The following THAP5 variants were observed in gnomAD, a reference collection of about 807,000 sequenced individuals.
The protein encoded by THAP5 is THAP domain-containing protein 5.
THAP5 carries 26 observed loss-of-function variants against 34.0 expected under a neutral mutation model. The observed-to-expected ratio is 0.77, with a 90% CI of 0.56 to 1.06. The LOEUF is 1.06. Ranked by LOEUF, THAP5 falls within the 50% of genes least tolerant of loss-of-function variation. The probability of loss-of-function intolerance (pLI) is 0.00; values close to 1 mark genes in which losing one functional copy is unlikely to be tolerated. For missense variants in THAP5, 394 were observed against 452.8 expected, an observed-to-expected ratio of 0.87 and a Z score of 1.18; for synonymous variants, 125 against 153.0, an observed-to-expected ratio of 0.82 and a Z score of 1.35.
Position 108,564,290 on chromosome 7 carries a change from T to G in THAP5, c.1089A>C (p.Glu363Asp). The change falls in exon 3 of 3, where the codon GAA becomes GAC. Residue 363 changes from glutamate to aspartate, a missense_variant. Glu to Asp is a conservative substitution (Grantham distance 45, BLOSUM62 2). Transcript: ENST00000415914. Reference protein sequence around the residue: ...QQTLGRLKSLEALIRQLKQEN... With the variant: ...QQTLGRLKSLDALIRQLKQEN... The stretch of plus-strand genomic sequence containing the variant: ...CCTGCTTTAGCTGCCTTATAAGAGC[T>G]TCCAAAGACTTCAATCTACCTAGAG... 5 of 1,613,882 alleles carry G rather than the reference T, an allele frequency of 3.1e-6. No individual in the cohort carries two copies. Among genetic ancestry groups the G allele is most frequent in the Non-Finnish European group, 4.2e-6 (5 of 1,179,882 alleles).
intron 1 of THAP5, among the ~76,000 whole-genome samples, chr7:108,568,751 G>T (rs1790542602): frequency 6.6e-6 from 1 of 152,216 alleles, no homozygotes; most frequent in Non-Finnish European, 1.5e-5. Context: ...GATGAGATAT[G>T]TGAGACACCA....
At chr7:108,558,838 CCT>C (rs1273809462), downstream of THAP5, among the ~76,000 whole-genome samples, 1 of 151,798 alleles carries the variant, frequency 6.6e-6, no homozygotes, top group African/African-American at 2.4e-5. Flanking sequence ...ATATTTTTAT[CCT>C]CTTAGATATA....
At chr7:108,558,929 T>TAAAA, downstream of THAP5, among the ~76,000 whole-genome samples, 1 of 152,228 alleles carries the variant, frequency 6.6e-6, no homozygotes, top group East Asian at 1.9e-4. Flanking sequence ...TAAAATATAG[T>TAAAA]TTAAAAGACA....
downstream of THAP5, among the ~76,000 whole-genome samples, chr7:108,550,580 TAAAC>T (rs1864347517): frequency 6.6e-6 from 1 of 152,218 alleles, no homozygotes; most frequent in Non-Finnish European, 1.5e-5. Context: ...CTGTGTGGCT[TAAAC>T]AACAGAAATT....
At chr7:108,557,162 C>A (rs1864392089), downstream of THAP5, among the ~76,000 whole-genome samples, 1 of 152,238 alleles carries the variant, frequency 6.6e-6, no homozygotes, top group Non-Finnish European at 1.5e-5. Flanking sequence ...GGCCTCCAGG[C>A]CTGTGATGGG....
In THAP5 at chr7:108,564,244, T is replaced by C. The variant is rs184758838; in HGVS notation, c.1135A>G (p.Asn379Asp). 456 of 1,610,306 alleles carry C rather than the reference T, an allele frequency of 2.8e-4. No individual in the cohort carries two copies. The highest frequency in any genetic ancestry group is 2.2e-3 in the Admixed American group (130 of 58,850). ...LKQENWLSEENVKIIENHFTT... is the reference protein window; with the variant it reads ...LKQENWLSEEDVKIIENHFTT... Reference sequence around the variant, plus strand: ...AAATGGTTTTCTATAATCTTGACGTTTTCTTCAGATAGCCAGTTTTCCTGC... The same window carrying C: ...AAATGGTTTTCTATAATCTTGACGTCTTCTTCAGATAGCCAGTTTTCCTGC... The change falls in exon 3 of 3, where the codon AAC becomes GAC. Residue 379 changes from asparagine (N) to aspartate (D), a missense_variant. Physicochemically the swap from Asn to Asp is conservative, Grantham distance 23. Transcript: ENST00000415914.
chr7:108,566,812 T>C (rs1156780646), intron 1 of THAP5, among the ~76,000 whole-genome samples: 1 of 152,206 alleles, frequency 6.6e-6, no homozygotes, highest in Non-Finnish European at 1.5e-5. Flanking sequence ...AAGTTGGTGC[T>C]AACATTACAG....
downstream of THAP5, among the ~76,000 whole-genome samples, chr7:108,558,065 C>A (rs111530625): frequency 1.1e-3 from 165 of 151,988 alleles, no homozygotes; most frequent in African/African-American, 3.7e-3. Context: ...AACCACATCT[C>A]GTGGAAACTC....
chr7:108,569,634 G>GC lies in THAP5; in HGVS notation c.-66_-65insG. 6.5e-7 allele frequency: 1 copy of GC among 1,538,690 alleles called. No individual in the cohort carries two copies. Among genetic ancestry groups the GC allele is most frequent in the Non-Finnish European group, 8.8e-7 (1 of 1,141,328 alleles). ...ATGCAGGGCGGCCCTCCTCACTGAG[G>GC]ATGCGCCACAGGTCCAGGCCTCTCG... On this transcript the variant is annotated 5_prime_UTR_variant, in exon 1 of 3. In the 5' UTR this introduces an upstream ATG that the reference lacks. Transcript: ENST00000415914.
At chr7:108,566,746 T>C (rs921059517) in intron 1 of THAP5, among the ~76,000 whole-genome samples, 4 of 152,118 alleles carry the variant, frequency 2.6e-5, no homozygotes, top group African/African-American at 9.7e-5. Flanking sequence ...CAAATACAAA[T>C]GGCAAGACAG....
downstream of THAP5, among the ~76,000 whole-genome samples, chr7:108,551,801 A>C (rs1864355181): frequency 6.6e-6 from 1 of 152,236 alleles, no homozygotes; most frequent in South Asian, 2.1e-4. Flanking sequence ...AGATTCTCTG[A>C]GAGTGGAGCC....
chr7:108,564,222 T>C lies in THAP5; in HGVS notation c.1157A>G (p.His386Arg), dbSNP rs1468436911. Residue 386 changes from histidine (H) to arginine (R), a missense_variant, in exon 3 of 3, where the codon CAT (histidine) becomes CGT (arginine). Transcript: ENST00000415914. ...SEENVKIIEN[H>R]FTTYEVTMI Reference sequence around the variant, plus strand: ...CATAGTGACTTCATATGTTGTAAAATGGTTTTCTATAATCTTGACGTTTTC... The same window carrying C: ...CATAGTGACTTCATATGTTGTAAAACGGTTTTCTATAATCTTGACGTTTTC... 3 of 1,600,700 alleles carry C rather than the reference T, an allele frequency of 1.9e-6. No individual in the cohort carries two copies. Among genetic ancestry groups the C allele is most frequent in the East Asian group, 2.2e-5 (1 of 44,690 alleles).
intron 1 of THAP5, chr7:108,568,978 G>T: frequency 2.6e-6 from 1 of 379,764 alleles, no homozygotes; most frequent in Non-Finnish European, 3.7e-6. Context: ...ACAGCCCTAA[G>T]CAGAAGACTA....
In THAP5 at chr7:108,564,479, G is replaced by A; in HGVS notation, c.900C>T (p.Asp300=). 1 of 1,613,932 alleles carries A rather than the reference G, an allele frequency of 6.2e-7. No homozygotes were observed. The highest frequency in any genetic ancestry group is 8.5e-7 in the Non-Finnish European group (1 of 1,179,932). The change falls in exon 3 of 3, where the codon GAC becomes GAT. Residue 300 remains aspartate (D), a synonymous_variant. Coordinates refer to ENST00000415914, the MANE Select transcript of THAP5 (RefSeq NM_001130475.3). The stretch of plus-strand genomic sequence containing the variant: ...TATACAAGGAGTCTTCAATGTCTGT[G>A]TCTTCCATTTCCGTGGTTTCTTTTT... The part of the protein sequence containing the change: ...SAQKETTEME[D]TDIEDSLYKD...
chr7:108,550,008 T>C (rs1240487737), downstream of THAP5, among the ~76,000 whole-genome samples: 1 of 152,218 alleles, frequency 6.6e-6, no homozygotes, highest in Non-Finnish European at 1.5e-5. Flanking sequence ...TCTAGATCAA[T>C]TGAATAATAA....
chr7:108,557,072 C>A (rs1030542314), intron 1 of THAP5, among the ~76,000 whole-genome samples: 18 of 152,248 alleles, frequency 1.2e-4, no homozygotes, highest in Non-Finnish European at 4.4e-5. Flanking sequence ...TTAGCCACAG[C>A]TGGAGCTGGA....
At chr7:108,553,836 C>T (rs768449974), downstream of THAP5, among the ~76,000 whole-genome samples, 1 of 152,194 alleles carries the variant, frequency 6.6e-6, no homozygotes, top group Admixed American at 6.5e-5. Context: ...CAACCTCTAA[C>T]TGCCCTTTCT....
At chr7:108,561,351 C>T (rs973855947), downstream of THAP5, among the ~76,000 whole-genome samples, 10 of 151,710 alleles carry the variant, frequency 6.6e-5, 1 homozygote, top group Admixed American at 6.6e-4. Context: ...GTAGGCTCTA[C>T]CTCCTGAGCT....
At chr7:108,561,910 C>T (rs1430203157), downstream of THAP5, among the ~76,000 whole-genome samples, 2 of 152,050 alleles carry the variant, frequency 1.3e-5, no homozygotes, top group African/African-American at 2.4e-5. Flanking sequence ...AAAGTTTTAC[C>T]GGAGAATGAT....
Sources: allele counts gnomAD v4.1 joint callset (sites outside exome capture counted in the v4.1 genomes callset), GRCh38; gene constraint gnomAD v4.1.1; transcripts MANE v1.5; gene names NCBI Gene and HGNC (gene_info 2026-07-23, HGNC 2026-07-21).